The following PPP2R5E variants were observed in gnomAD, a reference collection of about 807,000 sequenced individuals.
PPP2R5E encodes the protein serine/threonine-protein phosphatase 2A 56 kDa regulatory subunit epsilon isoform.
A neutral mutation model predicts 65.3 loss-of-function variants in PPP2R5E; 4 were observed. That is an observed-to-expected ratio of 0.06 (90% CI 0.03 to 0.14). The LOEUF (loss-of-function observed/expected upper bound fraction) is 0.14, where lower values mean the gene tolerates loss of function less well. PPP2R5E is among the 10% of genes least tolerant of loss of function. The pLI is 1.00. For missense variants in PPP2R5E, 274 were observed against 556.1 expected, an observed-to-expected ratio of 0.49 and a Z score of 5.10; for synonymous variants, 183 against 187.4, an observed-to-expected ratio of 0.98 and a Z score of 0.19.
intron 3 of PPP2R5E, among the ~76,000 whole-genome samples, chr14:63,445,807 A>G (rs759554942): frequency 2.0e-5 from 3 of 150,786 alleles, no homozygotes; most frequent in Non-Finnish European, 2.9e-5. Context: ...GTGCCATTGC[A>G]CTCCAGCCTG....
intron 2 of PPP2R5E, among the ~76,000 whole-genome samples, chr14:63,463,227 C>T (rs1889591715): frequency 6.6e-6 from 1 of 151,478 alleles, no homozygotes; most frequent in African/African-American, 2.4e-5. Flanking sequence ...GCAACCTCCG[C>T]CTACTGGGTT....
chr14:63,498,366 C>T (rs1306953852), intron 2 of PPP2R5E, among the ~76,000 whole-genome samples: 1 of 134,924 alleles, frequency 7.4e-6, no homozygotes, highest in Non-Finnish European at 1.5e-5. Context: ...CTCTTGACAT[C>T]ATTTCTTTTC....
At chr14:63,406,207 C>T (rs1298140975) in intron 5 of PPP2R5E, among the ~76,000 whole-genome samples, 5 of 152,018 alleles carry the variant, frequency 3.3e-5, no homozygotes, top group African/African-American at 1.2e-4. Flanking sequence ...GTCAGGAGTT[C>T]AAGACCAGCC....
intron 2 of PPP2R5E, among the ~76,000 whole-genome samples, chr14:63,526,808 C>T (rs1203327246): frequency 6.6e-6 from 1 of 152,200 alleles, no homozygotes; most frequent in Non-Finnish European, 1.5e-5. Context: ...CCTCCCACCT[C>T]AGCCTCCCAA....
chr14:63,522,800 C>T (rs1892994452), intron 2 of PPP2R5E, among the ~76,000 whole-genome samples: 2 of 151,242 alleles, frequency 1.3e-5, no homozygotes, highest in Non-Finnish European at 3.0e-5. Context: ...GCCACCCCGT[C>T]CAGGAAGGAG....
At chr14:63,524,714 G>A (rs776659611) in intron 2 of PPP2R5E, among the ~76,000 whole-genome samples, 1 of 152,156 alleles carries the variant, frequency 6.6e-6, no homozygotes, top group Non-Finnish European at 1.5e-5. Flanking sequence ...CCAGGGACAC[G>A]TCTTGTGCCC....
chr14:63,521,478 C>A (rs1892904723), intron 2 of PPP2R5E, among the ~76,000 whole-genome samples: 1 of 152,118 alleles, frequency 6.6e-6, no homozygotes, highest in Admixed American at 6.6e-5. Flanking sequence ...ACCAGCCTGA[C>A]CAACATGGAG....
chr14:63,374,315 CATATTT>C lies in PPP2R5E; in HGVS notation c.*1688_*1693del, dbSNP rs898031085. The stretch of plus-strand genomic sequence containing the variant: ...ATGTAAGGAAGAAAATATACAAGCC[CATATTT>C]ATATTGTATTTCTATTAAGAGCAAC... On this transcript the variant is annotated 3_prime_UTR_variant, in exon 14 of 14. Transcript: ENST00000337537. 1.3e-5 allele frequency: 2 copies of C among 151,570 alleles called. No individual in the cohort carries two copies. The highest frequency in any genetic ancestry group is 2.9e-5 in the Non-Finnish European group (2 of 67,908). 9.4% of individuals were successfully genotyped at this position (151,570 alleles called of 1,614,324 possible).
intron 2 of PPP2R5E, among the ~76,000 whole-genome samples, chr14:63,504,052 G>A (rs183324774): frequency 3.3e-5 from 5 of 152,298 alleles, no homozygotes; most frequent in Admixed American, 2.6e-4. Flanking sequence ...TAGGGAATAT[G>A]AGAAGTTTTG....
chr14:63,398,540 C>A (rs545652907), intron 5 of PPP2R5E, among the ~76,000 whole-genome samples: 43 of 152,342 alleles, frequency 2.8e-4, no homozygotes, highest in African/African-American at 8.9e-4. Context: ...CGCCTGTAAT[C>A]CTAGCACTTT....
intron 2 of PPP2R5E, among the ~76,000 whole-genome samples, chr14:63,493,845 A>C (rs1891409868): frequency 6.6e-6 from 1 of 152,148 alleles, no homozygotes; most frequent in Non-Finnish European, 1.5e-5. Context: ...AATAAGATTA[A>C]CCAGTAATGA....
At chr14:63,493,413 T>C (rs542617456) in intron 2 of PPP2R5E, among the ~76,000 whole-genome samples, 2 of 151,378 alleles carry the variant, frequency 1.3e-5, no homozygotes, top group African/African-American at 2.4e-5. Flanking sequence ...GTCCTTACTC[T>C]TTCCCGCTTC....
chr14:63,414,557 G>T (rs1032631463), intron 5 of PPP2R5E, among the ~76,000 whole-genome samples: 1 of 152,184 alleles, frequency 6.6e-6, no homozygotes, highest in Non-Finnish European at 1.5e-5. Context: ...TAAAAAGGAA[G>T]ATCCATTGTT....
rs1178237202 is a variant in PPP2R5E at position 63,430,365 on chromosome 14, ACATACATG to A, written c.355-8279_355-8272del. On this transcript the variant is annotated intron_variant, in intron 3 of 13. Coordinates refer to ENST00000337537, the MANE Select transcript of PPP2R5E (RefSeq NM_006246.5). Reference sequence around the variant, plus strand: ...CCCATGTATACATACATACATACATACATACATGCATGCATACATACATACATACATAC... The same window carrying A: ...CCCATGTATACATACATACATACATACATGCATACATACATACATACATAC... 1.3e-3 allele frequency among the ~76,000 whole-genome samples: 176 copies of A among 132,268 alleles called. No homozygotes were observed. The South Asian group carries it at 0.017, about 13-fold the overall frequency. The allele number at this position is 132,268 out of a possible 152,430, so 86.8% of individuals were successfully genotyped here. A position where few individuals can be genotyped will look rare whatever the true frequency, so the allele number is the denominator to read the frequency against.
intron 3 of PPP2R5E, among the ~76,000 whole-genome samples, chr14:63,441,760 A>T (rs74627883): frequency 6.6e-6 from 1 of 152,006 alleles, no homozygotes; most frequent in Non-Finnish European, 1.5e-5. Context: ...AACACAAAAA[A>T]TTACTCGGGT....
chr14:63,372,473 C>T lies in PPP2R5E; in HGVS notation c.*3536G>A, dbSNP rs1883738681. 1 of 151,976 alleles carries T rather than the reference C, an allele frequency of 6.6e-6. No individual in the cohort carries two copies. Among genetic ancestry groups the T allele is most frequent in the African/African-American group, 2.4e-5 (1 of 41,388 alleles). 9.4% of individuals were successfully genotyped at this position (151,976 alleles called of 1,614,324 possible). ...GGTGCCACCTTTTTGTTACAGGTGA[C>T]TGTCACTTTATGATAACATTGGTAA... On this transcript the variant is annotated 3_prime_UTR_variant, in exon 14 of 14. Transcript: ENST00000337537.
chr14:63,382,977 T>C (rs995443103), intron 12 of PPP2R5E, among the ~76,000 whole-genome samples: 1 of 152,156 alleles, frequency 6.6e-6, no homozygotes, highest in Non-Finnish European at 1.5e-5. Flanking sequence ...CAAGCCCTCA[T>C]GTAGGTTGGG....
At chr14:63,394,051 C>T (rs1186742023) in intron 7 of PPP2R5E, 123 bp from the exon 8 acceptor site, 4 of 492,436 alleles carry the variant, frequency 8.1e-6, no homozygotes, top group Non-Finnish European at 1.4e-5. Context: ...ATACCCACCC[C>T]AGTGGCATTC....
At chr14:63,526,999 A>T (rs1893211635) in intron 2 of PPP2R5E, among the ~76,000 whole-genome samples, 1 of 152,156 alleles carries the variant, frequency 6.6e-6, no homozygotes, top group Non-Finnish European at 1.5e-5. Context: ...GTGAAACCCC[A>T]TTTCTACTAA....
Sources: gnomAD v4.1 joint callset for allele counts (sites outside exome capture counted in the v4.1 genomes callset) on GRCh38, gnomAD v4.1.1 for gene constraint, MANE v1.5 for transcripts, NCBI Gene and HGNC (gene_info 2026-07-23, HGNC 2026-07-21) for gene names.